Variants in CAMTA1 observed in about 807,000 individuals in gnomAD.
The protein encoded by CAMTA1 is calmodulin-binding transcription activator 1.
In CAMTA1, 27 loss-of-function variants were observed where a neutral mutation model predicts 170.9. That is an observed-to-expected ratio of 0.16 (90% CI 0.12 to 0.22). The LOEUF (loss-of-function observed/expected upper bound fraction) is 0.22. Among genes scored for constraint, CAMTA1 ranks in the 10% least tolerant of loss-of-function variants. CAMTA1 has a pLI of 1.00. For missense variants in CAMTA1, 1,619 were observed against 2,217.2 expected, an observed-to-expected ratio of 0.73 and a Z score of 5.42; for synonymous variants, 833 against 891.5, an observed-to-expected ratio of 0.93 and a Z score of 1.17.
intron 6 of CAMTA1, among the ~76,000 whole-genome samples, chr1:7,551,665 AG>A (rs1403349364): frequency 6.6e-6 from 1 of 152,186 alleles, no homozygotes; most frequent in Non-Finnish European, 1.5e-5. Context: ...TTGCCTGAAT[AG>A]GGCCTGATCA....
rs577982143 is a variant in CAMTA1 at position 7,575,110 on chromosome 1, ACATGAAATAACT to A, written c.511-65285_511-65274del. ...GTTGCCTTGGATAGTGGTGAGGATC[ACATGAAATAACT>A]CATGTTGGGTGCTCAGCTCTGTTTC... is the stretch of plus-strand genomic sequence containing the variant. On this transcript the variant is annotated intron_variant, in intron 6 of 22. Transcript: ENST00000303635. Among the ~76,000 whole-genome samples, 14 of 152,358 alleles carry A rather than the reference ACATGAAATAACT, an allele frequency of 9.2e-5. No homozygotes were observed. The East Asian group carries it at 2.3e-3, about 25-fold the overall frequency.
At chr1:7,029,053 C>T (rs1219560577) in intron 3 of CAMTA1, among the ~76,000 whole-genome samples, 1 of 152,140 alleles carries the variant, frequency 6.6e-6, no homozygotes, top group Non-Finnish European at 1.5e-5. Flanking sequence ...CCCTATGAGC[C>T]TCAGTTTCCT....
At position 7,050,398 on chromosome 1, in the gene CAMTA1, TG is replaced by T. The variant is rs1013671332; in HGVS notation, c.235-40902del. On this transcript the variant is annotated intron_variant, in intron 3 of 22. Transcript: ENST00000303635. The surrounding 1 kb of genome is among the most constrained non-coding windows in gnomAD (Gnocchi z 4.8). Reference sequence around the variant, plus strand: ...GCGGAGAAGCCTGAAGCTGAGTCCCTGGGGTGCAGGGCCCACACTCTGGCTG... The same window carrying T: ...GCGGAGAAGCCTGAAGCTGAGTCCCTGGGTGCAGGGCCCACACTCTGGCTG... 6.6e-6 allele frequency among the ~76,000 whole-genome samples: 1 copy of T among 152,054 alleles called. No homozygotes were observed. Among genetic ancestry groups the T allele is most frequent in the Non-Finnish European group, 1.5e-5 (1 of 68,002 alleles).
At chr1:7,087,984 T>C (rs1459777931) in intron 3 of CAMTA1, among the ~76,000 whole-genome samples, 3 of 152,172 alleles carry the variant, frequency 2.0e-5, no homozygotes, top group Non-Finnish European at 4.4e-5. Flanking sequence ...GGTCTGCCCA[T>C]CTGGTGAGGG....
At chr1:7,103,540 A>G (rs1643048106) in intron 4 of CAMTA1, among the ~76,000 whole-genome samples, 1 of 114,022 alleles carries the variant, frequency 8.8e-6, no homozygotes, top group Admixed American at 8.2e-5. Flanking sequence ...ACAACTACAC[A>G]CATGTACACA....
chr1:7,740,957 A>G (rs1199437982), intron 16 of CAMTA1, among the ~76,000 whole-genome samples: 1 of 152,256 alleles, frequency 6.6e-6, no homozygotes, highest in Non-Finnish European at 1.5e-5. Context: ...ACTTAAAAAT[A>G]ATGAAATAAT....
rs761038455 is a variant in CAMTA1 at position 7,640,444 on chromosome 1, C to T, written c.555C>T (p.Ile185=). The T allele has an allele frequency of 1.4e-5, 22 of 1,614,038 alleles. No homozygotes were observed. The Admixed American group carries it at 2.3e-4, about 17-fold the overall frequency. ...VLVHYLNVPA[I]EDCGKPCGPI... ...TGCACTACCTGAACGTGCCGGCCAT[C>T]GAGGACTGCGGCAAGCCTTGCGGCC... The change falls in exon 7 of 23, where the codon ATC becomes ATT. Residue 185 remains isoleucine (I), a synonymous_variant. Transcript: ENST00000303635.
At chr1:7,470,018 A>T (rs1467783522) in intron 6 of CAMTA1, among the ~76,000 whole-genome samples, 1 of 152,164 alleles carries the variant, frequency 6.6e-6, no homozygotes, top group Non-Finnish European at 1.5e-5. Context: ...CTGGCGGGGA[A>T]GTTGGAGTCT....
intron 5 of CAMTA1, among the ~76,000 whole-genome samples, chr1:7,405,474 A>T (rs2090220577): frequency 1.3e-5 from 2 of 152,108 alleles, no homozygotes; most frequent in Admixed American, 1.3e-4. Context: ...AGGCTCAAGC[A>T]ATCCTCCCAC....
chr1:7,188,420 T>G (rs1299988034), intron 4 of CAMTA1, among the ~76,000 whole-genome samples: 3 of 152,206 alleles, frequency 2.0e-5, no homozygotes, highest in Non-Finnish European at 2.9e-5. Flanking sequence ...TCTGCAGAAC[T>G]TTTTTGACTT....
intron 5 of CAMTA1, among the ~76,000 whole-genome samples, chr1:7,310,700 CTCTT>C (rs71571885): frequency 0.082 from 4,363 of 53,302 alleles, 416 homozygotes; most frequent in Non-Finnish European, 0.1. Flanking sequence ...CTCTCTCTCT[CTCTT>C]TCTTTCTTTC....
intron 6 of CAMTA1, among the ~76,000 whole-genome samples, chr1:7,513,823 G>A (rs6676929): frequency 0.018 from 2,678 of 152,294 alleles, 44 homozygotes; most frequent in Middle Eastern, 0.041. Flanking sequence ...CCTGGAGGCC[G>A]AGGCGGGAGA....
At chr1:7,690,985 G>A (rs1342732236) in intron 11 of CAMTA1, among the ~76,000 whole-genome samples, 1 of 152,204 alleles carries the variant, frequency 6.6e-6, no homozygotes, top group Non-Finnish European at 1.5e-5. Flanking sequence ...ACTGCGTCAC[G>A]TGATGAGTAT....
At chr1:7,091,470 T>A in intron 4 of CAMTA1, 99 bp downstream of exon 4, 1 of 885,552 alleles carries the variant, frequency 1.1e-6, no homozygotes. Flanking sequence ...GGCAACGAGT[T>A]GAAAATGCCA....
intron 5 of CAMTA1, among the ~76,000 whole-genome samples, chr1:7,260,962 A>T (rs1428767700): frequency 2.0e-5 from 3 of 152,236 alleles, no homozygotes; most frequent in Non-Finnish European, 4.4e-5. Context: ...GGCATGTGAT[A>T]AACTGAACCT....
chr1:7,167,149 T>C (rs573296150), intron 4 of CAMTA1, among the ~76,000 whole-genome samples: 1 of 152,324 alleles, frequency 6.6e-6, no homozygotes, highest in East Asian at 1.9e-4. Context: ...ATGTTAGTGC[T>C]TCTTGTTCTT....
At chr1:6,986,154 G>A (rs1413263014) in intron 3 of CAMTA1, among the ~76,000 whole-genome samples, 1 of 152,202 alleles carries the variant, frequency 6.6e-6, no homozygotes, top group East Asian at 1.9e-4. Flanking sequence ...CTGGGGGAAT[G>A]AGTCAGGCCA....
In CAMTA1 at chr1:6,970,014, T is replaced by C. The variant is rs1692250159; in HGVS notation, c.235-121290T>C. On this transcript the variant is annotated intron_variant, in intron 3 of 22. Transcript: ENST00000303635. This position sits in a 1 kb window ranked among gnomAD's most constrained non-coding sequence, Gnocchi z 4.4. ...CCACCACAGTCAAGGTGCAGAATTG[T>C]TCCATCTCCACAGACATCCTCCCAC... Among the ~76,000 whole-genome samples, 1 of 152,092 alleles carries C rather than the reference T, an allele frequency of 6.6e-6. No individual in the cohort carries two copies. The highest frequency in any genetic ancestry group is 1.5e-5 in the Non-Finnish European group (1 of 68,028).
At chr1:6,868,299 A>G (rs1158979666) in intron 3 of CAMTA1, among the ~76,000 whole-genome samples, 1 of 143,810 alleles carries the variant, frequency 7.0e-6, no homozygotes, top group African/African-American at 2.6e-5. Flanking sequence ...ACAGAGCGAG[A>G]CTCTTTTTTT....
Sources: gnomAD v4.1 joint callset for allele counts (sites outside exome capture counted in the v4.1 genomes callset) on GRCh38, gnomAD v4.1.1 for gene constraint, Gnocchi (gnomAD v3.1) non-coding constraint, MANE v1.5 for transcripts, NCBI Gene and HGNC (gene_info 2026-07-23, HGNC 2026-07-21) for gene names.